Variants in ZCCHC7 observed in about 807,000 individuals in gnomAD.
ZCCHC7 encodes the protein zinc finger CCHC domain-containing protein 7.
Under a neutral mutation model 52.0 loss-of-function variants are expected in ZCCHC7, and 35 were observed. That is an observed-to-expected ratio of 0.67 (90% confidence interval 0.51 to 0.89). The LOEUF is 0.89. Ranked by LOEUF, ZCCHC7 falls within the 40% of genes least tolerant of loss-of-function variation. ZCCHC7 has a pLI of 0.00. For missense variants in ZCCHC7, 574 were observed against 649.1 expected, an observed-to-expected ratio of 0.88 and a Z score of 1.26; for synonymous variants, 217 against 221.5, an observed-to-expected ratio of 0.98 and a Z score of 0.18.
chr9:37,348,347 G>GTTTGTTCTTTCTTTCT (rs1554736713), intron 6 of ZCCHC7, among the ~76,000 whole-genome samples: 1 of 135,488 alleles, frequency 7.4e-6, no homozygotes, highest in Non-Finnish European at 1.5e-5. Flanking sequence ...ATACCAGTTC[G>GTTTGTTCTTTCTTTCT]TTCTTTCTTT....
intron 2 of ZCCHC7, among the ~76,000 whole-genome samples, chr9:37,295,269 T>C (rs1191692822): frequency 6.6e-6 from 1 of 152,074 alleles, no homozygotes; most frequent in Non-Finnish European, 1.5e-5. Flanking sequence ...CTGGGGAAAT[T>C]ATTAGGCATA....
chr9:37,210,019 A>T (rs1482315776), intron 2 of ZCCHC7, among the ~76,000 whole-genome samples: 7 of 149,924 alleles, frequency 4.7e-5, no homozygotes, highest in African/African-American at 1.2e-4. Context: ...TTTTTTATTT[A>T]TTTTTATTTT....
intron 2 of ZCCHC7, among the ~76,000 whole-genome samples, chr9:37,266,705 C>T (rs1182882754): frequency 3.9e-5 from 6 of 152,064 alleles, no homozygotes; most frequent in Non-Finnish European, 7.4e-5. Flanking sequence ...AAGACTCCAT[C>T]TCTACAAAAA....
At chr9:37,331,386 T>C (rs930469454) in intron 6 of ZCCHC7, among the ~76,000 whole-genome samples, 3 of 151,624 alleles carry the variant, frequency 2.0e-5, no homozygotes, top group Non-Finnish European at 4.4e-5. Flanking sequence ...GAAATACCCA[T>C]TTAGAAATGT....
At chr9:37,136,778 A>C (rs1843015989) in intron 2 of ZCCHC7, among the ~76,000 whole-genome samples, 1 of 151,750 alleles carries the variant, frequency 6.6e-6, no homozygotes, top group South Asian at 2.1e-4. Context: ...CCCTGGCCCC[A>C]CTTGATTTTT....
intron 8 of ZCCHC7, among the ~76,000 whole-genome samples, chr9:37,355,352 C>T (rs140833347): frequency 1.3e-3 from 194 of 152,308 alleles, no homozygotes; most frequent in African/African-American, 4.3e-3. Flanking sequence ...TTTAAGTTTT[C>T]TCTACCTCTG....
chr9:37,281,309 C>G (rs1054661900), intron 2 of ZCCHC7, among the ~76,000 whole-genome samples: 3 of 152,216 alleles, frequency 2.0e-5, no homozygotes, highest in African/African-American at 7.2e-5. Flanking sequence ...AGCCACCACA[C>G]CTGCCCTCTA....
chr9:37,135,510 T>C (rs1432097298), intron 2 of ZCCHC7, among the ~76,000 whole-genome samples: 1 of 152,246 alleles, frequency 6.6e-6, no homozygotes, highest in East Asian at 1.9e-4. Context: ...GGTTTATGAC[T>C]GTTATGGTAT....
At chr9:37,230,164 TAGA>T (rs1825328687) in intron 2 of ZCCHC7, among the ~76,000 whole-genome samples, 1 of 152,172 alleles carries the variant, frequency 6.6e-6, no homozygotes, top group South Asian at 2.1e-4. Flanking sequence ...AAAAAGTAAG[TAGA>T]AGGAGTACAC....
chr9:37,213,646 A>T (rs951257869), intron 2 of ZCCHC7, among the ~76,000 whole-genome samples: 3 of 152,174 alleles, frequency 2.0e-5, no homozygotes, highest in African/African-American at 7.2e-5. Context: ...GGCAGATGGT[A>T]TAAGAATAGC....
chr9:37,280,465 GA>G (rs1180230576), intron 2 of ZCCHC7, among the ~76,000 whole-genome samples: 2 of 152,072 alleles, frequency 1.3e-5, no homozygotes, highest in Non-Finnish European at 2.9e-5. Flanking sequence ...CATTCAGCAA[GA>G]TAGACCATAT....
At chr9:37,176,221 C>T (rs1360380231) in intron 2 of ZCCHC7, among the ~76,000 whole-genome samples, 1 of 152,082 alleles carries the variant, frequency 6.6e-6, no homozygotes, top group Non-Finnish European at 1.5e-5. Flanking sequence ...ACTACAGGCG[C>T]CTGCCACCAT....
At chr9:37,214,238 T>C (rs1824388233) in intron 2 of ZCCHC7, among the ~76,000 whole-genome samples, 1 of 152,128 alleles carries the variant, frequency 6.6e-6, no homozygotes, top group South Asian at 2.1e-4. Context: ...AAGTTCAGAA[T>C]ATAAATTACT....
At chr9:37,128,895 C>G (rs1173103002) in intron 2 of ZCCHC7, among the ~76,000 whole-genome samples, 1 of 152,118 alleles carries the variant, frequency 6.6e-6, no homozygotes, top group African/African-American at 2.4e-5. Flanking sequence ...CTATAGAAGG[C>G]CAAAATAAGC....
chr9:37,127,311 C>G (rs1240385623), intron 2 of ZCCHC7, among the ~76,000 whole-genome samples: 10 of 152,126 alleles, frequency 6.6e-5, no homozygotes, highest in Non-Finnish European at 5.9e-5. Flanking sequence ...ACTCATTCAG[C>G]CAACTCTGTT....
chr9:37,350,127 T>TG (rs1269120663), intron 7 of ZCCHC7, among the ~76,000 whole-genome samples: 2 of 125,208 alleles, frequency 1.6e-5, no homozygotes, highest in African/African-American at 7.0e-5. Context: ...TTGTTTTTTT[T>TG]TTTTTTGGTT....
intron 2 of ZCCHC7, among the ~76,000 whole-genome samples, chr9:37,267,912 C>T (rs973037521): frequency 2.0e-5 from 3 of 152,064 alleles, no homozygotes; most frequent in African/African-American, 4.8e-5. Context: ...ACCATGTTGC[C>T]CAGCCTGGTC....
chr9:37,270,360 G>A (rs1308152468), intron 2 of ZCCHC7, among the ~76,000 whole-genome samples: 4 of 152,066 alleles, frequency 2.6e-5, no homozygotes, highest in East Asian at 3.9e-4. Flanking sequence ...AAAAGACTCA[G>A]ATACACTACA....
chr9:37,199,353 C>T (rs376735199), intron 2 of ZCCHC7, among the ~76,000 whole-genome samples: 14 of 128,418 alleles, frequency 1.1e-4, no homozygotes, highest in African/African-American at 1.7e-4. Flanking sequence ...TTTCTTGAGA[C>T]GGAGCTTCAC....
Sources: allele counts gnomAD v4.1 joint callset (sites outside exome capture counted in the v4.1 genomes callset), GRCh38; gene constraint gnomAD v4.1.1; transcripts MANE v1.5; gene names NCBI Gene and HGNC (gene_info 2026-07-23, HGNC 2026-07-21).